FAM107B: variants seen among roughly 807,000 people sequenced by gnomAD.
FAM107B encodes the protein family with sequence similarity 107 member B.
Under a neutral mutation model 31.5 loss-of-function variants are expected in FAM107B, and 21 were observed. The observed-to-expected ratio is 0.67, with a 90% confidence interval of 0.47 to 0.96. FAM107B has a LOEUF of 0.96. Among genes scored for constraint, FAM107B ranks in the 40% least tolerant of loss-of-function variants. FAM107B has a pLI of 0.00. For synonymous variants in FAM107B, 157 were observed against 141.5 expected (o/e 1.11, Z -0.78); for missense variants, 452 against 377.1 (o/e 1.20, Z -1.64).
intron 2 of FAM107B, among the ~76,000 whole-genome samples, chr10:14,609,146 A>T (rs1203913669): frequency 6.6e-6 from 1 of 152,216 alleles, no homozygotes; most frequent in Non-Finnish European, 1.5e-5. Flanking sequence ...ACGCTTTGGG[A>T]CTATAATGCA....
chr10:14,567,185 A>C (rs569398789), intron 2 of FAM107B, among the ~76,000 whole-genome samples: 80 of 152,204 alleles, frequency 5.3e-4, no homozygotes, highest in African/African-American at 1.9e-3. Context: ...AAAATAAATA[A>C]ATTGGAGGTG....
intron 1 of FAM107B, among the ~76,000 whole-genome samples, chr10:14,767,398 G>A (rs986958409): frequency 1.3e-5 from 2 of 151,646 alleles, no homozygotes; most frequent in African/African-American, 2.4e-5. Flanking sequence ...GGCCCCTGAT[G>A]AGCATTAATA....
intron 3 of FAM107B, among the ~76,000 whole-genome samples, chr10:14,528,531 A>G (rs1846583323): frequency 6.6e-6 from 1 of 152,178 alleles, no homozygotes; most frequent in African/African-American, 2.4e-5. Flanking sequence ...TTTATAGATG[A>G]AGAAACAGAT....
intron 2 of FAM107B, among the ~76,000 whole-genome samples, chr10:14,664,752 C>G (rs942473823): frequency 2.6e-5 from 4 of 152,182 alleles, no homozygotes; most frequent in African/African-American, 9.7e-5. Flanking sequence ...AGCATAATTC[C>G]TATTACAATA....
intron 2 of FAM107B, among the ~76,000 whole-genome samples, chr10:14,656,515 T>C (rs1854059410): frequency 6.6e-6 from 1 of 152,224 alleles, no homozygotes; most frequent in Non-Finnish European, 1.5e-5. Flanking sequence ...GACAAGTGAC[T>C]GGACATTCGG....
chr10:14,746,654 G>C (rs1415938959), intron 1 of FAM107B, among the ~76,000 whole-genome samples: 1 of 152,208 alleles, frequency 6.6e-6, no homozygotes, highest in East Asian at 1.9e-4. Context: ...GGTTTCTACT[G>C]AGAGGTCCAC....
At chr10:14,548,520 G>A (rs1564552551) in intron 2 of FAM107B, 1 of 985,442 alleles carries the variant, frequency 1.0e-6, no homozygotes. Flanking sequence ...CTGCTTCATC[G>A]CTTGGAGGTG....
At position 14,748,963 on chromosome 10, in the gene FAM107B, T is replaced by C. The variant is rs1039955122; in HGVS notation, c.411+25290A>G. ...CACTGGCCTGGATTTTACCCACTTC[T>C]TCCTCAAAGCAGGGTGTAAGAATAG... On this transcript the variant is annotated intron_variant, in intron 1 of 4. Coordinates refer to ENST00000181796, the MANE Select transcript of FAM107B (RefSeq NM_031453.4). Among the ~76,000 whole-genome samples, 3 of 152,226 alleles carry C rather than the reference T, an allele frequency of 2.0e-5. No individual in the cohort carries two copies. The East Asian group carries it at 5.8e-4, about 29-fold the overall frequency.
At chr10:14,760,841 G>A (rs1833028247) in intron 1 of FAM107B, among the ~76,000 whole-genome samples, 1 of 151,746 alleles carries the variant, frequency 6.6e-6, no homozygotes, top group South Asian at 2.1e-4. Flanking sequence ...GTGAAACCCC[G>A]TCTCTACTAA....
At chr10:14,616,042 T>C (rs1935744939) in intron 2 of FAM107B, among the ~76,000 whole-genome samples, 1 of 152,236 alleles carries the variant, frequency 6.6e-6, no homozygotes, top group Non-Finnish European at 1.5e-5. Context: ...TTCAAACATT[T>C]TGTAACAATT....
At chr10:14,573,492 C>A (rs1394564520) in intron 2 of FAM107B, among the ~76,000 whole-genome samples, 3 of 147,834 alleles carry the variant, frequency 2.0e-5, no homozygotes, top group Non-Finnish European at 4.4e-5. Context: ...TTTGGGAGGC[C>A]AAGGCAGGAG....
chr10:14,580,182 A>G (rs547330046), intron 2 of FAM107B, among the ~76,000 whole-genome samples: 1 of 152,052 alleles, frequency 6.6e-6, no homozygotes, highest in South Asian at 2.1e-4. Context: ...ATATGGTGAA[A>G]CCCTGTCTCT....
At chr10:14,772,846 A>G (rs971977709) in intron 1 of FAM107B, among the ~76,000 whole-genome samples, 1 of 152,228 alleles carries the variant, frequency 6.6e-6, no homozygotes, top group Admixed American at 6.5e-5. Context: ...ATGTGCAACT[A>G]AAACAGAAAG....
At chr10:14,522,506 C>T (rs1478362042) in intron 3 of FAM107B, among the ~76,000 whole-genome samples, 3 of 151,998 alleles carry the variant, frequency 2.0e-5, no homozygotes, top group Admixed American at 6.5e-5. Context: ...ACCTCCGCCT[C>T]CCAGGTTCAA....
In FAM107B at chr10:14,563,852, G is replaced by C. The variant is rs1412130307; in HGVS notation, c.470-33337C>G. 3.9e-5 allele frequency among the ~76,000 whole-genome samples: 6 copies of C among 152,218 alleles called. No homozygotes were observed. The East Asian group carries it at 7.7e-4, about 20-fold the overall frequency. On this transcript the variant is annotated intron_variant, in intron 2 of 4. Transcript: ENST00000181796. ...TTCTATCAAAGCTGGTTATGAAACAGATTCACAAAAATGGAAAACAATGTC... is the reference window on the plus strand; with the variant it reads ...TTCTATCAAAGCTGGTTATGAAACACATTCACAAAAATGGAAAACAATGTC...
At chr10:14,611,011 G>A (rs997183400) in intron 2 of FAM107B, among the ~76,000 whole-genome samples, 3 of 152,158 alleles carry the variant, frequency 2.0e-5, no homozygotes, top group Non-Finnish European at 2.9e-5. Context: ...GTTCTAACTT[G>A]TAACTGCACA....
At chr10:14,647,310 C>T (rs1461856873) in intron 2 of FAM107B, among the ~76,000 whole-genome samples, 1 of 152,174 alleles carries the variant, frequency 6.6e-6, no homozygotes, top group Admixed American at 6.5e-5. Flanking sequence ...TCACCACAGT[C>T]TTGGCCAGAT....
intron 1 of FAM107B, among the ~76,000 whole-genome samples, chr10:14,684,719 T>C (rs1854931266): frequency 6.6e-6 from 1 of 152,240 alleles, no homozygotes. Flanking sequence ...TATCTCTTTA[T>C]GGTTTCACAA....
chr10:14,568,707 G>A (rs1007347074), intron 2 of FAM107B, among the ~76,000 whole-genome samples: 1 of 152,258 alleles, frequency 6.6e-6, no homozygotes, highest in Non-Finnish European at 1.5e-5. Flanking sequence ...AGACCAGGAG[G>A]TGAAGATACT....
Sources: allele counts gnomAD v4.1 joint callset (sites outside exome capture counted in the v4.1 genomes callset), GRCh38; gene constraint gnomAD v4.1.1; transcripts MANE v1.5; gene names NCBI Gene and HGNC (gene_info 2026-07-23, HGNC 2026-07-21).